PYHIN1: variants seen among roughly 807,000 people sequenced by gnomAD.
PYHIN1 encodes the protein pyrin and HIN domain family member 1.
A neutral mutation model predicts 43.7 loss-of-function variants in PYHIN1; 32 were observed. That is an observed-to-expected ratio of 0.73 (90% confidence interval 0.55 to 0.98). The LOEUF is 0.98. Ranked by LOEUF, PYHIN1 falls within the 50% of genes least tolerant of loss-of-function variation. PYHIN1 has a pLI of 0.00. For synonymous variants in PYHIN1, 205 were observed against 203.1 expected, an observed-to-expected ratio of 1.01 and a Z score of -0.08; for missense variants, 588 against 589.5, an observed-to-expected ratio of 1.00 and a Z score of 0.03.
In PYHIN1 at chr1:158,976,835, A is replaced by AAT; in HGVS notation, c.*141_*142insTA. On this transcript the variant is annotated 3_prime_UTR_variant, in exon 9 of 9. Transcript: ENST00000368140. ...TATGAAGATAAGATCAAAGCACAGA[A>AAT]AATAATATATGTATATATATCTGGT... 1 of 440,194 alleles carries AAT rather than the reference A, an allele frequency of 2.3e-6. No homozygotes were observed. The allele number at this position is 440,194 out of a possible 1,614,324, so 27.3% of individuals were successfully genotyped here.
chr1:158,956,472 C>G (rs1649940486), intron 7 of PYHIN1, among the ~76,000 whole-genome samples: 1 of 150,858 alleles, frequency 6.6e-6, no homozygotes, highest in African/African-American at 2.4e-5. Flanking sequence ...TAAATGTAAT[C>G]CAGCATATAA....
At chr1:158,955,543 T>C (rs1286843035) in intron 7 of PYHIN1, among the ~76,000 whole-genome samples, 2 of 151,492 alleles carry the variant, frequency 1.3e-5, no homozygotes, top group East Asian at 3.9e-4. Flanking sequence ...AAAGATGTTC[T>C]TTGAAACCAA....
At chr1:158,952,466 C>T (rs775863856) in intron 7 of PYHIN1, among the ~76,000 whole-genome samples, 1 of 152,104 alleles carries the variant, frequency 6.6e-6, no homozygotes, top group Non-Finnish European at 1.5e-5. Context: ...CCGCTTAAGA[C>T]AGGGTTCCAT....
At position 158,973,733 on chromosome 1, in the gene PYHIN1, C is replaced by T. The variant is rs1651082123; in HGVS notation, c.1446C>T (p.Asp482=). 4.3e-6 allele frequency: 7 copies of T among 1,613,192 alleles called. No homozygotes were observed. The highest frequency in any genetic ancestry group is 1.3e-5 in the African/African-American group (1 of 74,982). The change falls in exon 8 of 9, where the codon GAC becomes GAT. Residue 482 remains aspartate (D), a synonymous_variant. Transcript: ENST00000368140. ...CTGTGGCCCCTCCTCTTTCTTCTGA[C>T]ACTTCCACCAACCGCCATCCAGCAG... The part of the protein sequence containing the change: ...SPTVAPPLSS[D]TSTNRHPAVP
At position 158,976,796 on chromosome 1, in the gene PYHIN1, T is replaced by C. The variant is rs866771231; in HGVS notation, c.*101T>C. The stretch of plus-strand genomic sequence containing the variant: ...TCCTCCACCTAAAAACCTGATGCCA[T>C]TGGTAATGATGTTTATGAAGATAAG... On this transcript the variant is annotated 3_prime_UTR_variant, in exon 9 of 9. Coordinates refer to ENST00000368140, the MANE Select transcript of PYHIN1 (RefSeq NM_152501.5). 1.9e-6 allele frequency: 2 copies of C among 1,053,822 alleles called. No homozygotes were observed. Among genetic ancestry groups the C allele is most frequent in the African/African-American group, 3.1e-5 (2 of 63,506 alleles). The allele number at this position is 1,053,822 out of a possible 1,614,324, so 65.3% of individuals were successfully genotyped here. A position where few individuals can be genotyped will look rare whatever the true frequency, so the allele number is the denominator to read the frequency against.
At chr1:158,988,836 A>T in the PYHIN1 span, among the ~76,000 whole-genome samples, 1 of 152,366 alleles carries the variant, frequency 6.6e-6, no homozygotes, top group Non-Finnish European at 1.5e-5. Context: ...TTCTATTCAC[A>T]TTGCAGAGAG....
At chr1:158,961,887 G>T (rs1169755149) in intron 7 of PYHIN1, among the ~76,000 whole-genome samples, 1 of 152,132 alleles carries the variant, frequency 6.6e-6, no homozygotes, top group Non-Finnish European at 1.5e-5. Context: ...CTTCAGAAAA[G>T]GAGCTGAATC....
At chr1:158,989,863 A>T in the PYHIN1 span, among the ~76,000 whole-genome samples, 1 of 149,034 alleles carries the variant, frequency 6.7e-6, no homozygotes, top group East Asian at 2.0e-4. Context: ...TCAGTTTATA[A>T]CATTTATTAA....
the PYHIN1 span, among the ~76,000 whole-genome samples, chr1:158,988,917 T>C: frequency 6.6e-6 from 1 of 152,180 alleles, no homozygotes; most frequent in Non-Finnish European, 1.5e-5. Context: ...AGAGCTCAGG[T>C]ATATGACAAG....
chr1:158,973,895 C>A, intron 8 of PYHIN1, 124 bp downstream of exon 8: 1 of 1,129,036 alleles, frequency 8.9e-7, no homozygotes, highest in Non-Finnish European at 1.2e-6. Context: ...CTACATTTCT[C>A]ATTCATTTAT....
At chr1:158,948,195 T>C (rs960365572) in intron 7 of PYHIN1, among the ~76,000 whole-genome samples, 5 of 152,230 alleles carry the variant, frequency 3.3e-5, no homozygotes, top group Admixed American at 2.0e-4. Context: ...AAGATAATCA[T>C]GAATATAATT....
chr1:158,984,665 A>C, the PYHIN1 span, among the ~76,000 whole-genome samples: 1 of 152,110 alleles, frequency 6.6e-6, no homozygotes, highest in African/African-American at 2.4e-5. Context: ...CTGTTAGGTC[A>C]ATTTAGTCAA....
At chr1:158,981,549 T>G (rs767854272), downstream of PYHIN1, among the ~76,000 whole-genome samples, 1 of 152,188 alleles carries the variant, frequency 6.6e-6, no homozygotes, top group Admixed American at 6.5e-5. Flanking sequence ...ACAATTTATA[T>G]TCCTTTGGGT....
chr1:158,935,344 A>G (rs1557820940), intron 1 of PYHIN1, among the ~76,000 whole-genome samples: 1 of 152,192 alleles, frequency 6.6e-6, no homozygotes, highest in Non-Finnish European at 1.5e-5. Context: ...TTCTGAAACA[A>G]TACAAGAAGC....
At position 158,938,517 on chromosome 1, in the gene PYHIN1, G is replaced by T; in HGVS notation, c.386G>T (p.Gly129Val). The T allele has an allele frequency of 6.2e-7, 1 of 1,614,190 alleles. No individual in the cohort carries two copies. The highest frequency in any genetic ancestry group is 8.5e-7 in the Non-Finnish European group (1 of 1,180,028). Residue 129 changes from glycine to valine, a missense_variant, in exon 3 of 9, where the codon GGA becomes GTA. By Grantham distance (109) the Gly-to-Val change is moderately radical (BLOSUM62 -3). Coordinates refer to ENST00000368140, the MANE Select transcript of PYHIN1 (RefSeq NM_152501.5). ...CCAAGCAACCGTCTCACAGCTAAAG[G>T]AGCAGAGGAGACTCTTGGACCTCAG... Reference protein sequence around the residue: ...CTPSNRLTAKGAEETLGPQKR... With the variant: ...CTPSNRLTAKVAEETLGPQKR...
rs1172322804 is a variant in PYHIN1, at chr1:158,933,902, T to G, written c.-21+2126T>G. 6.6e-6 allele frequency among the ~76,000 whole-genome samples: 1 copy of G among 152,154 alleles called. No individual in the cohort carries two copies. The highest frequency in any genetic ancestry group is 2.4e-5 in the African/African-American group (1 of 41,460). ...TTTTGGCCTGCAGCTTTTTAAAATT[T>G]TTTTTTAATTTTCTATTGAAAAGTA... On this transcript the variant is annotated intron_variant, in intron 1 of 8. Transcript: ENST00000368140. The surrounding 1 kb of genome is among the most constrained non-coding windows in gnomAD (Gnocchi z 6.3).
chr1:158,973,577 A>G, intron 7 of PYHIN1, 70 bp from the exon 8 acceptor site: 1 of 1,538,564 alleles, frequency 6.5e-7, no homozygotes, highest in Non-Finnish European at 9.0e-7. Flanking sequence ...ATAGGAAAAT[A>G]TTAAGCAGAA....
chr1:158,949,026 G>A (rs1271221592), intron 7 of PYHIN1, among the ~76,000 whole-genome samples: 2 of 152,176 alleles, frequency 1.3e-5, no homozygotes, highest in Admixed American at 6.5e-5. Flanking sequence ...GTGATTACAA[G>A]TGAAGGCTAT....
At position 158,939,499 on chromosome 1, in the gene PYHIN1, T is replaced by TCAGCAA. The variant is rs759156182; in HGVS notation, c.579+256_579+261dup. On this transcript the variant is annotated intron_variant, in intron 4 of 8. Transcript: ENST00000368140. ...CAGAGAACTGCGGAATCTGGAACTT[T>TCAGCAA]CAGCAACAGACTCACTGTCTACTGC... The TCAGCAA allele has an allele frequency of 1.2e-4, 184 of 1,550,902 alleles. 3 individuals carry two copies. The East Asian group carries it at 2.9e-3, about 25-fold the overall frequency.
Sources: gnomAD v4.1 joint callset for allele counts (sites outside exome capture counted in the v4.1 genomes callset) on GRCh38, gnomAD v4.1.1 for gene constraint, Gnocchi (gnomAD v3.1) non-coding constraint, MANE v1.5 for transcripts, NCBI Gene and HGNC (gene_info 2026-07-23, HGNC 2026-07-21) for gene names.